Variants in TTK observed in about 807,000 individuals in gnomAD.
TTK encodes the protein TTK protein kinase.
In TTK, 59 loss-of-function variants were observed where a neutral mutation model predicts 117.3. The observed-to-expected ratio is 0.50, with a 90% confidence interval of 0.41 to 0.62. The LOEUF (loss-of-function observed/expected upper bound fraction) is 0.62. Among genes scored for constraint, TTK ranks in the 20% least tolerant of loss-of-function variants. The pLI is 0.00. For missense variants in TTK, 921 were observed against 989.4 expected, an observed-to-expected ratio of 0.93 and a Z score of 0.93; for synonymous variants, 302 against 325.0, an observed-to-expected ratio of 0.93 and a Z score of 0.76.
chr6:80,038,510 A>G (rs1052712199), intron 18 of TTK, among the ~76,000 whole-genome samples: 4 of 152,170 alleles, frequency 2.6e-5, no homozygotes, highest in Non-Finnish European at 5.9e-5. Context: ...GTCTTTGGCC[A>G]AGTGACTTGC....
intron 10 of TTK, among the ~76,000 whole-genome samples, chr6:80,016,037 A>G (rs1250379488): frequency 6.6e-6 from 1 of 152,224 alleles, no homozygotes; most frequent in Non-Finnish European, 1.5e-5. Context: ...ACTGTTGTTT[A>G]TGGAACTCAT....
At chr6:80,024,728 T>A (rs941414696) in intron 11 of TTK, among the ~76,000 whole-genome samples, 2 of 152,216 alleles carry the variant, frequency 1.3e-5, no homozygotes, top group African/African-American at 2.4e-5. Flanking sequence ...CATTGAATAG[T>A]ACACGTAGAA....
Position 80,007,990 on chromosome 6 carries a change from G to GCCC in TTK, c.321_322insCCC (p.Glu107_Ser108insPro). 3.7e-6 allele frequency: 6 copies of GCCC among 1,610,260 alleles called. No individual in the cohort carries two copies. The highest frequency in any genetic ancestry group is 4.2e-6 in the Non-Finnish European group (5 of 1,176,742). ...CCCCAGATAAATATGGCCAAAATGA[G>GCCC]AGTTTTGCTAGAATTCAAGTGAGAT... is the stretch of plus-strand genomic sequence containing the variant. On this transcript the variant is annotated inframe_insertion, in exon 3 of 22. Coordinates refer to ENST00000369798, the MANE Select transcript of TTK (RefSeq NM_003318.5).
At chr6:80,014,997 C>G (rs1767268382) in intron 10 of TTK, among the ~76,000 whole-genome samples, 1 of 152,030 alleles carries the variant, frequency 6.6e-6, no homozygotes, top group Non-Finnish European at 1.5e-5. Context: ...GGTTGCAGTT[C>G]AGTGTGGAAG....
intron 17 of TTK, among the ~76,000 whole-genome samples, chr6:80,036,861 A>T (rs1205579): frequency 0.62 from 93,893 of 151,952 alleles, 29,461 homozygotes; most frequent in Admixed American, 0.73. Flanking sequence ...CTTCCTTGGA[A>T]ATCACTTGGT....
chr6:80,018,239 T>C (rs151656), intron 10 of TTK, among the ~76,000 whole-genome samples: 93,897 of 151,956 alleles, frequency 0.62, 29,459 homozygotes, highest in Admixed American at 0.73. Flanking sequence ...TTTACTTATT[T>C]ATGCATTGCT....
At chr6:80,022,107 G>T (rs1460731300) in intron 10 of TTK, among the ~76,000 whole-genome samples, 1 of 152,282 alleles carries the variant, frequency 6.6e-6, no homozygotes, top group East Asian at 1.9e-4. Flanking sequence ...AAAGTTCTTA[G>T]TAACAATGTA....
At chr6:80,035,818 G>GT (rs1473194965) in intron 16 of TTK, among the ~76,000 whole-genome samples, 1 of 151,860 alleles carries the variant, frequency 6.6e-6, no homozygotes, top group African/African-American at 2.4e-5. Context: ...TTTTTTGTTT[G>GT]TTTTTTACTG....
At chr6:80,015,470 T>C (rs1767282043) in intron 10 of TTK, among the ~76,000 whole-genome samples, 1 of 152,166 alleles carries the variant, frequency 6.6e-6, no homozygotes, top group African/African-American at 2.4e-5. Context: ...TTAATAGGAC[T>C]GAGGAGGGAC....
At chr6:80,015,575 A>T (rs1430092984) in intron 10 of TTK, among the ~76,000 whole-genome samples, 1 of 152,136 alleles carries the variant, frequency 6.6e-6, no homozygotes, top group Non-Finnish European at 1.5e-5. Flanking sequence ...GGACACACAC[A>T]AAAAAACATT....
chr6:80,029,486 C>T (rs1051835953), intron 13 of TTK, among the ~76,000 whole-genome samples: 2 of 152,110 alleles, frequency 1.3e-5, no homozygotes, highest in Admixed American at 6.5e-5. Flanking sequence ...TGATTCAAAA[C>T]ACATTTATTT....
chr6:80,040,318 G>A (rs773642978), intron 20 of TTK, 38 bp downstream of exon 20: 4 of 1,481,346 alleles, frequency 2.7e-6, no homozygotes, highest in East Asian at 2.3e-5. Context: ...TACTAGATTG[G>A]TAGTATAAAC....
Position 80,037,960 on chromosome 6 carries a change from C to G in TTK, c.2050-7C>G. On this transcript the variant is annotated splice_polypyrimidine_tract_variant and splice_region_variant and intron_variant, in intron 17 of 21. Transcript: ENST00000369798. Reference sequence around the variant, plus strand: ...TTGATTTGTGTTTTCTCTGACTTGGCATATAGGTTGGCACAGTTAATTATA... The same window carrying G: ...TTGATTTGTGTTTTCTCTGACTTGGGATATAGGTTGGCACAGTTAATTATA... The G allele has an allele frequency of 6.4e-7, 1 of 1,561,332 alleles. No individual in the cohort carries two copies.
intron 8 of TTK, 105 bp from the exon 9 acceptor site, chr6:80,013,173 TA>T: frequency 1.2e-6 from 1 of 865,460 alleles, no homozygotes; most frequent in Non-Finnish European, 1.8e-6. Context: ...TTTTTTTCAA[TA>T]AAAAGTATGT....
In TTK at chr6:80,020,788, A is replaced by T. The variant is rs561413467; in HGVS notation, c.1109-1536A>T. On this transcript the variant is annotated intron_variant, in intron 10 of 21. Transcript: ENST00000369798. ...TTTCTTCCCTAGCGGGGAGAGGAGC[A>T]GCCTATCTTGCTGCTTTCTAGTCTT... Among the ~76,000 whole-genome samples, 4 of 152,336 alleles carry T rather than the reference A, an allele frequency of 2.6e-5. No individual in the cohort carries two copies. The South Asian group carries it at 8.3e-4, about 32-fold the overall frequency.
At chr6:80,026,321 T>C in intron 11 of TTK, 57 bp from the exon 12 acceptor site, 1 of 1,547,252 alleles carries the variant, frequency 6.5e-7, no homozygotes, top group Non-Finnish European at 8.7e-7. Context: ...TTGTAAAAAC[T>C]AGTGAACAGG....
Position 80,007,923 on chromosome 6 carries a change from A to C in TTK, c.254A>C (p.Asn85Thr). ...NSVPLSDALL[N>T]KLIGRYSQAI... is the part of the protein sequence containing the mutation. The stretch of plus-strand genomic sequence containing the variant: ...GTTCCGCTAAGTGATGCTCTTTTAA[A>C]TAAATTGATTGGTCGTTACAGTCAA... The change falls in exon 3 of 22, where the codon AAT (asparagine) becomes ACT (threonine). Residue 85 changes from asparagine to threonine, a missense_variant. Asn to Thr is a moderately conservative substitution (Grantham distance 65). Transcript: ENST00000369798. 2.5e-6 allele frequency: 4 copies of C among 1,613,652 alleles called. No homozygotes were observed. The highest frequency in any genetic ancestry group is 3.4e-6 in the Non-Finnish European group (4 of 1,179,682).
rs1399060216 is a variant in TTK at position 80,011,481 on chromosome 6, C to T, written c.661C>T (p.His221Tyr). 1.9e-6 allele frequency: 3 copies of T among 1,608,414 alleles called. No individual in the cohort carries two copies. The highest frequency in any genetic ancestry group is 1.7e-5 in the Admixed American group (1 of 58,682). Residue 221 changes from histidine to tyrosine, a missense_variant, in exon 6 of 22, where the codon CAT becomes TAT. Transcript: ENST00000369798. ...AQESFSGSLGHLQNRNNSCDS... is the reference protein window; with the variant it reads ...AQESFSGSLGYLQNRNNSCDS... Reference sequence around the variant, plus strand: ...AGAATCATTTTCCGGTTCACTTGGGCATTTACAGAATAGGAACAACAGTTG... The same window carrying T: ...AGAATCATTTTCCGGTTCACTTGGGTATTTACAGAATAGGAACAACAGTTG...
chr6:80,028,149 T>C (rs1260084415), intron 13 of TTK, 138 bp downstream of exon 13: 1 of 931,824 alleles, frequency 1.1e-6, no homozygotes, highest in African/African-American at 1.7e-5. Flanking sequence ...ACTTTTCTGA[T>C]ATTCTAATAA....
Sources: gnomAD v4.1 joint callset for allele counts (sites outside exome capture counted in the v4.1 genomes callset) on GRCh38, gnomAD v4.1.1 for gene constraint, MANE v1.5 for transcripts, NCBI Gene and HGNC (gene_info 2026-07-23, HGNC 2026-07-21) for gene names.